Variants in KMT2C observed in about 807,000 individuals in gnomAD.
KMT2C encodes the protein lysine methyltransferase 2C, also known as histone-lysine N-methyltransferase 2C.
A neutral mutation model predicts 507.9 loss-of-function variants in KMT2C; 88 were observed. That is an observed-to-expected ratio of 0.17 (90% CI 0.15 to 0.21). KMT2C has a LOEUF of 0.21. Among genes scored for constraint, KMT2C ranks in the 10% least tolerant of loss-of-function variants. The probability of loss-of-function intolerance (pLI) is 1.00; values close to 1 mark genes in which losing one functional copy is unlikely to be tolerated. For synonymous variants in KMT2C, 2,049 were observed against 2,080.8 expected (o/e 0.98, Z 0.42); for missense variants, 4,954 against 5,957.8 (o/e 0.83, Z 5.55).
At chr7:152,391,922 A>G (rs1180969794) in intron 1 of KMT2C, among the ~76,000 whole-genome samples, 1 of 152,148 alleles carries the variant, frequency 6.6e-6, no homozygotes, top group East Asian at 1.9e-4. Flanking sequence ...TAGCTTTATC[A>G]TATACATACA....
At chr7:152,240,885 C>T (rs1403782776) in intron 14 of KMT2C, among the ~76,000 whole-genome samples, 1 of 152,186 alleles carries the variant, frequency 6.6e-6, no homozygotes, top group Non-Finnish European at 1.5e-5. Context: ...GCTGGTTATG[C>T]TTCTCCGACC....
intron 6 of KMT2C, among the ~76,000 whole-genome samples, chr7:152,276,973 C>T (rs932935060): frequency 1.4e-4 from 21 of 152,160 alleles, no homozygotes; most frequent in Non-Finnish European, 2.4e-4. Context: ...AGTGAGAACT[C>T]GTATTACCAA....
rs181035716 is a variant in KMT2C at position 152,186,308 on chromosome 7, C to T, written c.5009-677G>A. On this transcript the variant is annotated intron_variant, in intron 33 of 58. Coordinates refer to ENST00000262189, the MANE Select transcript of KMT2C (RefSeq NM_170606.3). Reference sequence around the variant, plus strand: ...AAAGTAAAATTATTAAAGAAAATTACTTTTAAAAAAGTTACAGCTCTGCTG... The same window carrying T: ...AAAGTAAAATTATTAAAGAAAATTATTTTTAAAAAAGTTACAGCTCTGCTG... Among the ~76,000 whole-genome samples the T allele has an allele frequency of 9.5e-4, 145 of 152,258 alleles. 1 individual carries two copies. The highest frequency in any genetic ancestry group is 1.6e-3 in the Non-Finnish European group (112 of 68,024).
At chr7:152,218,228 G>A (rs1419539111) in intron 23 of KMT2C, among the ~76,000 whole-genome samples, 4 of 151,918 alleles carry the variant, frequency 2.6e-5, no homozygotes, top group East Asian at 1.9e-4. Flanking sequence ...GCAGTGGCTC[G>A]ATCTTGGCTC....
chr7:152,160,696 T>C (rs955231346), intron 43 of KMT2C, among the ~76,000 whole-genome samples: 1 of 149,170 alleles, frequency 6.7e-6, no homozygotes, highest in African/African-American at 2.4e-5. Context: ...AATCACTATA[T>C]ATTTATTTAA....
chr7:152,368,086 T>G (rs1288919462), intron 1 of KMT2C: 1 of 909,912 alleles, frequency 1.1e-6, no homozygotes, highest in Admixed American at 1.7e-5. Context: ...TGTTTACCTC[T>G]TGCTGTGGTA....
intron 9 of KMT2C, among the ~76,000 whole-genome samples, chr7:152,254,483 T>G (rs894763168): frequency 6.6e-6 from 1 of 152,134 alleles, no homozygotes; most frequent in African/African-American, 2.4e-5. Context: ...AAAAAATTAT[T>G]TCAATGCAAC....
rs767480944 is a variant in KMT2C at position 152,180,010 on chromosome 7, G to A, written c.7266C>T (p.His2422=). 2 of 1,614,202 alleles carry A rather than the reference G, an allele frequency of 1.2e-6. No individual in the cohort carries two copies. The change falls in exon 37 of 59, where the codon CAC becomes CAT. Residue 2422 remains histidine, a synonymous_variant. Coordinates refer to ENST00000262189, the MANE Select transcript of KMT2C (RefSeq NM_170606.3). ...CCTGGTTAACATTCTCTGGTTGCCA[G>A]TGTTGAAGAGGCCCTGGATGAGGCA... ...PAVPHPGPLQ[H]WQPENVNQAF...
chr7:152,375,092 G>T (rs374419999), intron 1 of KMT2C, among the ~76,000 whole-genome samples: 16 of 152,318 alleles, frequency 1.1e-4, no homozygotes, highest in East Asian at 9.6e-4. Context: ...GCCCAAACTG[G>T]ACTGCAGTGG....
At chr7:152,258,225 G>A (rs186868013) in intron 9 of KMT2C, among the ~76,000 whole-genome samples, 172 of 152,308 alleles carry the variant, frequency 1.1e-3, no homozygotes, top group African/African-American at 3.9e-3. Flanking sequence ...AGTGGTGAGG[G>A]CACAACACCA....
At chr7:152,251,157 A>G (rs1294358206) in intron 11 of KMT2C, among the ~76,000 whole-genome samples, 191 bp from the exon 12 acceptor site, 1 of 152,200 alleles carries the variant, frequency 6.6e-6, no homozygotes, top group Admixed American at 6.5e-5. Context: ...ATAATGCATC[A>G]AAAGGTGGGC....
At chr7:152,198,055 A>C (rs1277882274) in intron 27 of KMT2C, among the ~76,000 whole-genome samples, 1 of 152,158 alleles carries the variant, frequency 6.6e-6, no homozygotes, top group Non-Finnish European at 1.5e-5. Context: ...TAGTTATGAG[A>C]GTTATAAGAT....
At chr7:152,298,205 A>G (rs2096533930) in intron 6 of KMT2C, among the ~76,000 whole-genome samples, 1 of 152,158 alleles carries the variant, frequency 6.6e-6, no homozygotes, top group South Asian at 2.1e-4. Flanking sequence ...GAGTCCCCAA[A>G]GGAGAAAAAA....
At chr7:152,275,205 G>C (rs2096059796) in intron 6 of KMT2C, among the ~76,000 whole-genome samples, 1 of 152,140 alleles carries the variant, frequency 6.6e-6, no homozygotes, top group Non-Finnish European at 1.5e-5. Context: ...ACATAACAAA[G>C]CTAAGTGACT....
At position 152,162,837 on chromosome 7, in the gene KMT2C, G is replaced by A. The variant is rs746296503; in HGVS notation, c.10740C>T (p.His3580=). Residue 3580 remains histidine, a synonymous_variant, in exon 43 of 59, where the codon CAC becomes CAT. Coordinates refer to ENST00000262189, the MANE Select transcript of KMT2C (RefSeq NM_170606.3). ...GCGATTGGGTTGATCCCGGATAACTGTGTCCATGGGTTATAGTAGAATCTT... is the reference window on the plus strand; with the variant it reads ...GCGATTGGGTTGATCCCGGATAACTATGTCCATGGGTTATAGTAGAATCTT... The part of the protein sequence containing the change: ...CGQDSTITHG[H]SYPGSTQSLI... 2.5e-6 allele frequency: 4 copies of A among 1,614,038 alleles called. No homozygotes were observed. The highest frequency in any genetic ancestry group is 3.4e-6 in the Non-Finnish European group (4 of 1,180,028).
rs982335850 is a variant in KMT2C at position 152,325,926 on chromosome 7, T to A, written c.389+4675A>T. Among the ~76,000 whole-genome samples, 8 of 151,522 alleles carry A rather than the reference T, an allele frequency of 5.3e-5. No individual in the cohort carries two copies. In the East Asian group the frequency reaches 9.6e-4, roughly 18 times the overall value. The stretch of plus-strand genomic sequence containing the variant: ...TTAGGTCTTTCTTTTTTTTTTTTTT[T>A]AAAGTATGTCTAATTGTTCTAGCAC... On this transcript the variant is annotated intron_variant, in intron 3 of 58. Transcript: ENST00000262189.
rs2091852538 is a variant in KMT2C, at chr7:152,153,923, T to TTG, written c.12276+85_12276+86dup. On this transcript the variant is annotated intron_variant, in intron 48 of 58. Transcript: ENST00000262189. Reference sequence around the variant, plus strand: ...GACCCTTTATCCTCAGTGATCCTGTTTGTGTGTGTTTTATGGTAGACACCT... The same window carrying TTG: ...GACCCTTTATCCTCAGTGATCCTGTTTGTGTGTGTGTTTTATGGTAGACACCT... 6 of 1,295,144 alleles carry TTG rather than the reference T, an allele frequency of 4.6e-6. No individual in the cohort carries two copies. The South Asian group carries it at 6.5e-5, about 14-fold the overall frequency. The allele number at this position is 1,295,144 out of a possible 1,614,324, so 80.2% of individuals were successfully genotyped here. A position where few individuals can be genotyped will look rare whatever the true frequency, so the allele number is the denominator to read the frequency against.
intron 1 of KMT2C, among the ~76,000 whole-genome samples, chr7:152,420,120 A>G (rs2097769056): frequency 6.6e-6 from 1 of 152,282 alleles, no homozygotes; most frequent in African/African-American, 2.4e-5. Context: ...ACTGTATAAT[A>G]CACAGCAGAT....
At chr7:152,197,760 T>C (rs982022715) in intron 27 of KMT2C, among the ~76,000 whole-genome samples, 3 of 151,606 alleles carry the variant, frequency 2.0e-5, no homozygotes, top group African/African-American at 4.8e-5. Flanking sequence ...AATGACATGT[T>C]AAAAAAAAGC....
Sources: gnomAD v4.1 joint callset for allele counts (sites outside exome capture counted in the v4.1 genomes callset) on GRCh38, gnomAD v4.1.1 for gene constraint, MANE v1.5 for transcripts, NCBI Gene and HGNC (gene_info 2026-07-23, HGNC 2026-07-21) for gene names.